The following BTBD9 variants were observed in gnomAD, a reference collection of about 807,000 sequenced individuals.
The protein encoded by BTBD9 is BTB domain containing 9, also known as BTB/POZ domain-containing protein 9.
A neutral mutation model predicts 64.3 loss-of-function variants in BTBD9; 49 were observed. The observed-to-expected ratio is 0.76, with a 90% CI of 0.61 to 0.97. The LOEUF (loss-of-function observed/expected upper bound fraction) is 0.97, where lower values mean the gene tolerates loss of function less well. Ranked by LOEUF, BTBD9 falls within the 50% of genes least tolerant of loss-of-function variation. The pLI is 0.00. For missense variants in BTBD9, 598 were observed against 762.1 expected (o/e 0.78, Z 2.53); for synonymous variants, 260 against 274.7 (o/e 0.95, Z 0.53).
chr6:38,391,017 A>C (rs1161731223), intron 6 of BTBD9, among the ~76,000 whole-genome samples: 3 of 152,128 alleles, frequency 2.0e-5, no homozygotes, highest in Non-Finnish European at 4.4e-5. Flanking sequence ...GCTTATACTT[A>C]TTGTCTCCGT....
intron 9 of BTBD9, among the ~76,000 whole-genome samples, chr6:38,246,075 G>A (rs1467165731): frequency 6.6e-6 from 1 of 152,174 alleles, no homozygotes; most frequent in Non-Finnish European, 1.5e-5. Context: ...CAAATGTTCT[G>A]GGTAGAGAGG....
chr6:38,275,377 C>A (rs1167816951), intron 8 of BTBD9, among the ~76,000 whole-genome samples: 1 of 152,066 alleles, frequency 6.6e-6, no homozygotes, highest in African/African-American at 2.4e-5. Flanking sequence ...AAACGTTAGA[C>A]CTAAAACCAT....
chr6:38,345,435 G>C (rs913580683), intron 6 of BTBD9, among the ~76,000 whole-genome samples: 2 of 152,224 alleles, frequency 1.3e-5, no homozygotes, highest in Non-Finnish European at 2.9e-5. Flanking sequence ...ATAACAAATA[G>C]CTTCTGCTCT....
intron 6 of BTBD9, among the ~76,000 whole-genome samples, chr6:38,361,859 A>C (rs528932434): frequency 6.5e-5 from 9 of 138,598 alleles, no homozygotes; most frequent in South Asian, 2.6e-4. Flanking sequence ...ACAAAAAACA[A>C]CACCACAGGA....
In BTBD9 at chr6:38,467,334, GAACA is replaced by G. The variant is rs570696745; in HGVS notation, c.1154+110262_1154+110265del. The stretch of plus-strand genomic sequence containing the variant: ...GAGAGGATGTCTGTCATTTTCGCCT[GAACA>G]AATACAAAACTATCTGTTTCTGAAT... On this transcript the variant is annotated intron_variant, in intron 6 of 10. Transcript: ENST00000481247. 1.1e-4 allele frequency among the ~76,000 whole-genome samples: 16 copies of G among 152,230 alleles called. No homozygotes were observed. In the South Asian group the frequency reaches 1.7e-3, roughly 16 times the overall value.
intron 8 of BTBD9, among the ~76,000 whole-genome samples, chr6:38,276,602 C>T (rs1761267851): frequency 6.6e-6 from 1 of 151,958 alleles, no homozygotes; most frequent in Non-Finnish European, 1.5e-5. Context: ...CTATAATTAC[C>T]CTCCCACAGA....
intron 7 of BTBD9, among the ~76,000 whole-genome samples, chr6:38,322,081 A>G (rs1380596030): frequency 1.3e-5 from 2 of 152,036 alleles, no homozygotes; most frequent in Non-Finnish European, 1.5e-5. Context: ...TTTCCCACCA[A>G]ACGAGAAGGA....
intron 7 of BTBD9, among the ~76,000 whole-genome samples, chr6:38,299,584 G>T (rs1424644494): frequency 6.6e-6 from 1 of 152,164 alleles, no homozygotes; most frequent in Non-Finnish European, 1.5e-5. Flanking sequence ...TTGTGGTTTT[G>T]ATTTGCATTT....
intron 6 of BTBD9, among the ~76,000 whole-genome samples, chr6:38,355,563 T>A (rs188052751): frequency 6.6e-6 from 1 of 152,292 alleles, no homozygotes; most frequent in East Asian, 1.9e-4. Flanking sequence ...AAGAAAAACT[T>A]AACGAGTGGA....
At chr6:38,425,030 T>C (rs1490849266) in intron 6 of BTBD9, among the ~76,000 whole-genome samples, 1 of 150,976 alleles carries the variant, frequency 6.6e-6, no homozygotes, top group African/African-American at 2.5e-5. Flanking sequence ...AGGGCTTCAC[T>C]ATGTTGAACA....
At chr6:38,585,469 C>T (rs1776472276) in intron 4 of BTBD9, among the ~76,000 whole-genome samples, 1 of 152,068 alleles carries the variant, frequency 6.6e-6, no homozygotes, top group Non-Finnish European at 1.5e-5. Flanking sequence ...CAATCACACC[C>T]AGCTAATTTA....
chr6:38,334,240 T>A (rs1763792375), intron 7 of BTBD9, among the ~76,000 whole-genome samples: 1 of 152,176 alleles, frequency 6.6e-6, no homozygotes, highest in Admixed American at 6.6e-5. Context: ...CTCATATGCA[T>A]GAACACAGAG....
At chr6:38,305,819 G>A (rs1762605634) in intron 7 of BTBD9, among the ~76,000 whole-genome samples, 1 of 152,086 alleles carries the variant, frequency 6.6e-6, no homozygotes, top group Non-Finnish European at 1.5e-5. Flanking sequence ...TGCCCGAGGG[G>A]GAGAAATGTC....
At chr6:38,553,776 C>A (rs890486463) in intron 6 of BTBD9, among the ~76,000 whole-genome samples, 26 of 151,976 alleles carry the variant, frequency 1.7e-4, no homozygotes, top group Middle Eastern at 3.4e-3. Context: ...TCAGTAGAGC[C>A]CAGCAGTTCA....
chr6:38,334,625 C>A (rs76012818), intron 7 of BTBD9, among the ~76,000 whole-genome samples: 80 of 104,112 alleles, frequency 7.7e-4, no homozygotes, highest in Non-Finnish European at 9.6e-4. Flanking sequence ...CATAACATAA[C>A]ATAAAATAAA....
chr6:38,359,844 G>A (rs1004932226), intron 6 of BTBD9, among the ~76,000 whole-genome samples: 2 of 151,668 alleles, frequency 1.3e-5, no homozygotes, highest in Non-Finnish European at 2.9e-5. Flanking sequence ...GGCACGACTT[G>A]TTGATTTTCA....
At chr6:38,311,392 T>A (rs1267119809) in intron 7 of BTBD9, among the ~76,000 whole-genome samples, 1 of 152,192 alleles carries the variant, frequency 6.6e-6, no homozygotes, top group Non-Finnish European at 1.5e-5. Flanking sequence ...ATCCACGTTG[T>A]TGCAAATGAC....
chr6:38,377,531 C>T (rs950056831), intron 6 of BTBD9, among the ~76,000 whole-genome samples: 6 of 152,104 alleles, frequency 3.9e-5, no homozygotes, highest in African/African-American at 1.2e-4. Flanking sequence ...ATTTACTGTG[C>T]GTTTCACTCT....
At chr6:38,292,733 T>C (rs971497643) in intron 7 of BTBD9, among the ~76,000 whole-genome samples, 3 of 152,118 alleles carry the variant, frequency 2.0e-5, no homozygotes, top group Admixed American at 1.3e-4. Context: ...GTCTGGCTAG[T>C]GGTCTATCTA....
Sources: gnomAD v4.1 joint callset for allele counts (sites outside exome capture counted in the v4.1 genomes callset) on GRCh38, gnomAD v4.1.1 for gene constraint, MANE v1.5 for transcripts, NCBI Gene and HGNC (gene_info 2026-07-23, HGNC 2026-07-21) for gene names.